TM7SF3: variants seen among roughly 807,000 people sequenced by gnomAD.
TM7SF3 encodes the protein transmembrane 7 superfamily member 3.
A neutral mutation model predicts 65.5 loss-of-function variants in TM7SF3; 60 were observed. The observed-to-expected ratio is 0.92, with a 90% CI of 0.74 to 1.14. TM7SF3 has a LOEUF of 1.14. TM7SF3 is among the 50% of genes most tolerant of loss of function. The probability of loss-of-function intolerance (pLI) is 0.00; values close to 1 mark genes in which losing one functional copy is unlikely to be tolerated. For missense variants in TM7SF3, 623 were observed against 684.8 expected, an observed-to-expected ratio of 0.91 and a Z score of 1.01; for synonymous variants, 264 against 259.6, an observed-to-expected ratio of 1.02 and a Z score of -0.16.
intron 5 of TM7SF3, among the ~76,000 whole-genome samples, chr12:26,993,615 A>G (rs1357733477): frequency 6.6e-6 from 1 of 152,202 alleles, no homozygotes; most frequent in Non-Finnish European, 1.5e-5. Context: ...TCCTTTTACA[A>G]TGAGAATTAA....
intron 6 of TM7SF3, among the ~76,000 whole-genome samples, chr12:26,989,030 A>G (rs1940226108): frequency 6.6e-6 from 1 of 152,230 alleles, no homozygotes; most frequent in African/African-American, 2.4e-5. Context: ...TTGTAAGACT[A>G]TAGTCTATGA....
At chr12:26,980,351 T>G (rs1939763018) in intron 8 of TM7SF3, 2 of 554,680 alleles carry the variant, frequency 3.6e-6, no homozygotes, top group Non-Finnish European at 6.3e-6. Flanking sequence ...GCCCCTCCTT[T>G]CCCTAAGTAC....
intron 6 of TM7SF3, among the ~76,000 whole-genome samples, chr12:26,988,517 T>C (rs1440859470): frequency 6.6e-6 from 1 of 152,184 alleles, no homozygotes; most frequent in African/African-American, 2.4e-5. Flanking sequence ...CTAGTAAATG[T>C]GCTAACGTGT....
chr12:27,006,262 T>C (rs763487910), intron 1 of TM7SF3, among the ~76,000 whole-genome samples: 1 of 151,000 alleles, frequency 6.6e-6, no homozygotes, highest in Middle Eastern at 3.2e-3. Flanking sequence ...CTCAACCTCC[T>C]GAGTACCTGG....
chr12:27,007,137 T>C (rs150511004), intron 1 of TM7SF3, among the ~76,000 whole-genome samples: 2 of 152,316 alleles, frequency 1.3e-5, no homozygotes, highest in East Asian at 1.9e-4. Context: ...TAATCTGCAG[T>C]CTTTGCTTCT....
chr12:26,985,263 G>A (rs1173237873), intron 6 of TM7SF3, among the ~76,000 whole-genome samples: 1 of 152,160 alleles, frequency 6.6e-6, no homozygotes, highest in African/African-American at 2.4e-5. Context: ...TTGGGAGGCT[G>A]AGGCGGGTGG....
chr12:27,013,456 C>T (rs543967366), intron 1 of TM7SF3, among the ~76,000 whole-genome samples: 6 of 152,314 alleles, frequency 3.9e-5, no homozygotes, highest in African/African-American at 1.2e-4. Context: ...AGGGTATACA[C>T]ATTCTATCTG....
chr12:26,986,137 A>G (rs959351858), intron 6 of TM7SF3, among the ~76,000 whole-genome samples: 7 of 152,000 alleles, frequency 4.6e-5, no homozygotes, highest in Non-Finnish European at 7.4e-5. Context: ...CTGCTTGGCC[A>G]AATTTCAGTC....
At chr12:26,991,416 T>C (rs1940363942) in intron 5 of TM7SF3, among the ~76,000 whole-genome samples, 1 of 151,498 alleles carries the variant, frequency 6.6e-6, no homozygotes. Context: ...CCTCCCAAAG[T>C]GCTGGGATTA....
At position 26,995,404 on chromosome 12, in the gene TM7SF3, C is replaced by T. The variant is rs199925702; in HGVS notation, c.523G>A (p.Val175Ile). The change falls in exon 5 of 12, where the codon GTA becomes ATA. Residue 175 changes from valine to isoleucine, a missense_variant. Physicochemically the swap from Val to Ile is conservative, Grantham distance 29 (BLOSUM62 3). Transcript: ENST00000343028. ...APANLGYARG[V>I]DPPPCDAGTD... is the part of the protein sequence containing the mutation. ...CCAGCGTCACATGGTGGGGGATCTACGCCTCTAAAGTCAACCAACAAAATG... is the reference window on the plus strand; with the variant it reads ...CCAGCGTCACATGGTGGGGGATCTATGCCTCTAAAGTCAACCAACAAAATG... 3.2e-5 allele frequency: 51 copies of T among 1,614,132 alleles called. No individual in the cohort carries two copies. In the South Asian group the frequency reaches 4.0e-4, roughly 13 times the overall value.
chr12:26,990,594 C>T lies in TM7SF3; in HGVS notation c.724G>A (p.Val242Ile), dbSNP rs1323150935. Residue 242 changes from valine (V) to isoleucine (I), a missense_variant, in exon 6 of 12, where the codon GTT (valine) becomes ATT (isoleucine). Transcript: ENST00000343028. ...VTLTANDKTS[V>I]SFSSLPGQGV... is the part of the protein sequence containing the mutation. ...TGTCCCGGGAGGGAGGAGAAGGAAA[C>T]ACTTGTCTTATCATTAGCTGTTAGG... The T allele has an allele frequency of 6.2e-7, 1 of 1,613,980 alleles. No individual in the cohort carries two copies.
intron 6 of TM7SF3, among the ~76,000 whole-genome samples, chr12:26,985,814 T>TTTTTTTTTTG (rs1940058030): frequency 9.8e-6 from 1 of 102,252 alleles, no homozygotes; most frequent in Non-Finnish European, 2.0e-5. Flanking sequence ...TCGTTTTTTT[T>TTTTTTTTTTG]TTTTTTTTTT....
rs373903860 is a variant in TM7SF3, at chr12:27,003,375, G to A, written c.107C>T (p.Ser36Phe). 1.3e-5 allele frequency: 21 copies of A among 1,611,282 alleles called. No homozygotes were observed. Among genetic ancestry groups the A allele is most frequent in the Non-Finnish European group, 1.8e-5 (21 of 1,179,354 alleles). The stretch of plus-strand genomic sequence containing the variant: ...CTCGAAGTATCTAAATTTCCCCACA[G>A]AAAATTCAATAAGACCTACAACGAG... Reference protein sequence around the residue: ...GNSSEGLIEFSVGKFRYFELN... With the variant: ...GNSSEGLIEFFVGKFRYFELN... The change falls in exon 2 of 12, where the codon TCT becomes TTT. Residue 36 changes from serine to phenylalanine, a missense_variant. Transcript: ENST00000343028.
Position 26,976,268 on chromosome 12 carries a change from G to A in TM7SF3, c.1279C>T (p.Leu427=), listed in dbSNP as rs769858925. The change falls in exon 10 of 12, where the codon CTA becomes TTA. Residue 427 remains leucine (L), a synonymous_variant. Coordinates refer to ENST00000343028, the MANE Select transcript of TM7SF3 (RefSeq NM_016551.3). ...TTTGATGAAACACTTACTATTCTTA[G>A]GCAGCCCATGAAAACTACTGGAATG... ...ILIPVVFMGC[L]RILNILTCGV... The A allele has an allele frequency of 6.2e-7, 1 of 1,609,142 alleles. No homozygotes were observed. The highest frequency in any genetic ancestry group is 1.1e-5 in the South Asian group (1 of 90,974).
intron 6 of TM7SF3, 29 bp from the exon 7 acceptor site, chr12:26,982,888 A>C: frequency 6.9e-7 from 1 of 1,459,102 alleles, no homozygotes; most frequent in Non-Finnish European, 9.4e-7. Flanking sequence ...TTAGTGGATA[A>C]TACATCCAAT....
At chr12:26,997,133 TA>T (rs1357826806) in intron 3 of TM7SF3, among the ~76,000 whole-genome samples, 1 of 152,204 alleles carries the variant, frequency 6.6e-6, no homozygotes, top group East Asian at 1.9e-4. Context: ...GTCTCTGCAG[TA>T]ACTACCCACC....
intron 5 of TM7SF3, among the ~76,000 whole-genome samples, chr12:26,991,138 GTTCTTTTTTTT>G (rs1940339499): frequency 2.3e-5 from 3 of 130,402 alleles, no homozygotes; most frequent in African/African-American, 8.5e-5. Flanking sequence ...TGTAGTAGTA[GTTCTTTTTTTT>G]TTTTTTTTTT....
At chr12:27,006,191 T>C (rs1306932837) in intron 1 of TM7SF3, among the ~76,000 whole-genome samples, 3 of 140,680 alleles carry the variant, frequency 2.1e-5, no homozygotes, top group Non-Finnish European at 3.0e-5. Context: ...CAGGCTGGAG[T>C]GCAGTGGCGC....
At chr12:26,991,985 G>A (rs905651016) in intron 5 of TM7SF3, among the ~76,000 whole-genome samples, 6 of 152,122 alleles carry the variant, frequency 3.9e-5, no homozygotes, top group South Asian at 2.1e-4. Context: ...TTAGGTCAGC[G>A]TGGTACTAGC....
Sources: gnomAD v4.1 joint callset for allele counts (sites outside exome capture counted in the v4.1 genomes callset) on GRCh38, gnomAD v4.1.1 for gene constraint, MANE v1.5 for transcripts, NCBI Gene and HGNC (gene_info 2026-07-23, HGNC 2026-07-21) for gene names.